Variants in ROBO1 observed in about 807,000 individuals in gnomAD.
The protein encoded by ROBO1 is roundabout guidance receptor 1.
ROBO1 carries 149 observed loss-of-function variants against 195.9 expected under a neutral mutation model. That is an observed-to-expected ratio of 0.76 (90% CI 0.67 to 0.87). The LOEUF (loss-of-function observed/expected upper bound fraction) is 0.87, where lower values mean the gene tolerates loss of function less well. ROBO1 is among the 40% of genes least tolerant of loss of function. The probability of loss-of-function intolerance (pLI) is 0.00; values close to 1 mark genes in which losing one functional copy is unlikely to be tolerated. For synonymous variants in ROBO1, 816 were observed against 733.2 expected (o/e 1.11, Z -1.82); for missense variants, 1,933 against 2,068.3 (o/e 0.93, Z 1.27).
intron 17 of ROBO1, among the ~76,000 whole-genome samples, chr3:78,658,821 C>CT (rs1042526898): frequency 6.6e-6 from 1 of 152,154 alleles, no homozygotes; most frequent in African/African-American, 2.4e-5. Context: ...AATTAAGACT[C>CT]TTTTGTGATT....
chr3:79,336,330 G>A (rs2034664612), intron 2 of ROBO1, among the ~76,000 whole-genome samples: 1 of 152,188 alleles, frequency 6.6e-6, no homozygotes, highest in Non-Finnish European at 1.5e-5. Context: ...TTGTGGTCTG[G>A]GCCTAGGGCC....
intron 3 of ROBO1, among the ~76,000 whole-genome samples, chr3:78,952,761 T>A (rs2040855458): frequency 6.6e-6 from 1 of 152,074 alleles, no homozygotes; most frequent in African/African-American, 2.4e-5. Context: ...GAAAATGGAA[T>A]GGATTATAAT....
At chr3:79,600,351 T>C (rs547464325) in intron 1 of ROBO1, among the ~76,000 whole-genome samples, 2 of 152,084 alleles carry the variant, frequency 1.3e-5, no homozygotes, top group South Asian at 4.1e-4. Flanking sequence ...AACATTGGTT[T>C]GGTCGAAGAG....
At chr3:79,579,296 A>C (rs187167932) in intron 2 of ROBO1, among the ~76,000 whole-genome samples, 2 of 152,344 alleles carry the variant, frequency 1.3e-5, no homozygotes, top group East Asian at 3.9e-4. Context: ...CTTAGAAACA[A>C]AATTTCAGCC....
At chr3:79,391,321 G>A (rs541531098) in intron 2 of ROBO1, among the ~76,000 whole-genome samples, 6 of 151,876 alleles carry the variant, frequency 4.0e-5, no homozygotes, top group Admixed American at 3.3e-4. Context: ...AACCATAAAC[G>A]AAAACATAAT....
intron 3 of ROBO1, among the ~76,000 whole-genome samples, chr3:79,108,297 T>C (rs1002525640): frequency 1.3e-5 from 2 of 151,748 alleles, no homozygotes; most frequent in Middle Eastern, 3.2e-3. Flanking sequence ...ATTTCTGTCA[T>C]TGAAAGGTGA....
In ROBO1 at chr3:79,760,464, A is replaced by G. The variant is rs1181419966; in HGVS notation, c.-51+7288T>C. 2.7e-5 allele frequency among the ~76,000 whole-genome samples: 4 copies of G among 149,580 alleles called. No individual in the cohort carries two copies. The Admixed American group carries it at 2.7e-4, about 10-fold the overall frequency. ...CTTCATTAAGAAGAAAAAAGATAAAACAGCCTAGGAAAATATATTTCCAAT... is the reference window on the plus strand; with the variant it reads ...CTTCATTAAGAAGAAAAAAGATAAAGCAGCCTAGGAAAATATATTTCCAAT... On this transcript the variant is annotated intron_variant, in intron 1 of 30. Coordinates refer to ENST00000464233, the MANE Select transcript of ROBO1 (RefSeq NM_002941.4).
intron 16 of ROBO1, 175 bp downstream of exon 16, chr3:78,660,855 C>T: frequency 1.8e-6 from 1 of 548,094 alleles, no homozygotes; most frequent in Non-Finnish European, 3.2e-6. Flanking sequence ...ACTATTATAG[C>T]ATTTTGCTTT....
At chr3:78,653,763 G>T (rs1246909854) in intron 18 of ROBO1, among the ~76,000 whole-genome samples, 2 of 152,212 alleles carry the variant, frequency 1.3e-5, no homozygotes, top group Non-Finnish European at 2.9e-5. Context: ...ACGCAGGTCA[G>T]ATAAGAGCCA....
intron 8 of ROBO1, among the ~76,000 whole-genome samples, chr3:78,702,523 T>TGG (rs1189255026): frequency 6.6e-6 from 1 of 152,220 alleles, no homozygotes; most frequent in African/African-American, 2.4e-5. Flanking sequence ...TCTGATAAAA[T>TGG]AATTCCAAGT....
At chr3:79,451,510 G>A (rs1176928622) in intron 2 of ROBO1, among the ~76,000 whole-genome samples, 1 of 152,022 alleles carries the variant, frequency 6.6e-6, no homozygotes, top group African/African-American at 2.4e-5. Flanking sequence ...AAGCACTCTG[G>A]TAATAATAAG....
chr3:78,667,992 A>AG lies in ROBO1; in HGVS notation c.1856dup (p.Ala620CysfsTer3). On this transcript the variant is annotated frameshift_variant, in exon 14 of 31. Transcript: ENST00000464233. LOFTEE classifies it high-confidence loss of function. Reference sequence around the variant, plus strand: ...CATTAGGTTTGAGTCCTTTAATGGCAGATGTTTCTGTTTTCACATTCTCTG... The same window carrying AG: ...CATTAGGTTTGAGTCCTTTAATGGCAGGATGTTTCTGTTTTCACATTCTCTG... 6.2e-7 allele frequency: 1 copy of AG among 1,613,792 alleles called. No homozygotes were observed. Among genetic ancestry groups the AG allele is most frequent in the Non-Finnish European group, 8.5e-7 (1 of 1,179,792 alleles).
intron 2 of ROBO1, among the ~76,000 whole-genome samples, chr3:79,161,201 C>T (rs1397276587): frequency 6.6e-6 from 1 of 151,986 alleles, no homozygotes; most frequent in Non-Finnish European, 1.5e-5. Context: ...ATTCCTTGAC[C>T]AAGGCTGCCT....
At chr3:78,949,432 T>C (rs1428053590) in intron 3 of ROBO1, among the ~76,000 whole-genome samples, 1 of 150,264 alleles carries the variant, frequency 6.7e-6, no homozygotes, top group Non-Finnish European at 1.5e-5. Context: ...ATTTAATAAA[T>C]GGTGCTGGGA....
intron 2 of ROBO1, among the ~76,000 whole-genome samples, chr3:79,186,312 C>T (rs1015796783): frequency 6.6e-6 from 1 of 151,802 alleles, no homozygotes; most frequent in African/African-American, 2.4e-5. Flanking sequence ...CACACATGCA[C>T]AAGTATATCT....
intron 19 of ROBO1, among the ~76,000 whole-genome samples, chr3:78,649,270 C>T (rs956015649): frequency 2.0e-5 from 3 of 152,072 alleles, no homozygotes; most frequent in African/African-American, 7.2e-5. Flanking sequence ...ACTGCTAACC[C>T]CACTTTGAGG....
At chr3:79,292,607 G>A (rs2032320425) in intron 2 of ROBO1, among the ~76,000 whole-genome samples, 1 of 152,086 alleles carries the variant, frequency 6.6e-6, no homozygotes, top group African/African-American at 2.4e-5. Context: ...TTTTATTGAA[G>A]GCCTTTTCTT....
intron 2 of ROBO1, among the ~76,000 whole-genome samples, chr3:79,146,784 A>G (rs767763858): frequency 2.0e-5 from 3 of 152,000 alleles, no homozygotes; most frequent in Non-Finnish European, 4.4e-5. Context: ...TCCAGTATCT[A>G]GAAAAATTAA....
intron 4 of ROBO1, among the ~76,000 whole-genome samples, chr3:78,775,853 G>A (rs1301174626): frequency 1.3e-5 from 2 of 152,154 alleles, no homozygotes; most frequent in Non-Finnish European, 2.9e-5. Flanking sequence ...GCCAGTTTCT[G>A]CTAAGGTCTA....
Sources: allele counts gnomAD v4.1 joint callset (sites outside exome capture counted in the v4.1 genomes callset), GRCh38; gene constraint gnomAD v4.1.1; transcripts MANE v1.5; gene names NCBI Gene and HGNC (gene_info 2026-07-23, HGNC 2026-07-21).